CEP192: variants seen among roughly 807,000 people sequenced by gnomAD.
CEP192 encodes centrosomal protein 192, also known as centrosomal protein of 192 kDa.
A neutral mutation model predicts 271.8 loss-of-function variants in CEP192; 151 were observed. The observed-to-expected ratio is 0.56, with a 90% CI of 0.49 to 0.64. The LOEUF (loss-of-function observed/expected upper bound fraction) is 0.64, where lower values mean the gene tolerates loss of function less well. Ranked by LOEUF, CEP192 falls within the 30% of genes least tolerant of loss-of-function variation. CEP192 has a pLI of 0.00. For missense variants in CEP192, 2,910 were observed against 3,020.5 expected (o/e 0.96, Z 0.86); for synonymous variants, 995 against 1,076.5 (o/e 0.92, Z 1.48).
chr18:13,085,520 G>A (rs753611012), intron 30 of CEP192, among the ~76,000 whole-genome samples: 3 of 152,094 alleles, frequency 2.0e-5, no homozygotes, highest in Non-Finnish European at 4.4e-5. Flanking sequence ...GAGTTTTAAT[G>A]GTTTTATGTC....
chr18:13,038,922 A>G (rs1016570932), intron 13 of CEP192, among the ~76,000 whole-genome samples: 1 of 152,174 alleles, frequency 6.6e-6, no homozygotes, highest in African/African-American at 2.4e-5. Flanking sequence ...TGCTGTTGTT[A>G]TTGTTGGTTG....
intron 5 of CEP192, among the ~76,000 whole-genome samples, chr18:13,015,052 A>T (rs2034566024): frequency 6.6e-6 from 1 of 152,166 alleles, no homozygotes; most frequent in Non-Finnish European, 1.5e-5. Flanking sequence ...TTGTGTACTT[A>T]CTATATTACG....
chr18:13,100,608 C>T lies in CEP192; in HGVS notation c.6871+96C>T. The T allele has an allele frequency of 3.1e-6, 3 of 957,930 alleles. No individual in the cohort carries two copies. The South Asian group carries it at 4.8e-5, about 15-fold the overall frequency. 59.3% of individuals were successfully genotyped at this position (957,930 alleles called of 1,614,324 possible). On this transcript the variant is annotated intron_variant, in intron 38 of 44. Coordinates refer to ENST00000506447, the MANE Select transcript of CEP192 (RefSeq NM_032142.4). ...ATAAGTTGGTGATAAATATAAATTT[C>T]CTCCTACTTCAGGAGAAAAGTGGTC...
Position 13,092,472 on chromosome 18 carries a change from A to G in CEP192, c.6199A>G (p.Ile2067Val), listed in dbSNP as rs1208147828. 8.7e-6 allele frequency: 14 copies of G among 1,610,056 alleles called. No individual in the cohort carries two copies. Among genetic ancestry groups the G allele is most frequent in the Non-Finnish European group, 1.2e-5 (14 of 1,177,596 alleles). The change falls in exon 34 of 45, where the codon ATT (isoleucine) becomes GTT (valine). Residue 2067 changes from isoleucine to valine, a missense_variant. Ile to Val is a conservative substitution (Grantham distance 29). Coordinates refer to ENST00000506447, the MANE Select transcript of CEP192 (RefSeq NM_032142.4). The part of the protein sequence containing the change: ...LSVIGEFRDC[I>V]SSREFLQPSS... ...AGTAATTGGAGAATTCAGAGATTGC[A>G]TTTCTAGCAGAGAATTCCTTCAGCC... is the stretch of plus-strand genomic sequence containing the variant.
chr18:13,071,099 A>T lies in CEP192; in HGVS notation c.5235A>T (p.Glu1745Asp), dbSNP rs139324356. The change falls in exon 28 of 45, where the codon GAA (glutamate) becomes GAT (aspartate). Residue 1745 changes from glutamate to aspartate, a missense_variant. Coordinates refer to ENST00000506447, the MANE Select transcript of CEP192 (RefSeq NM_032142.4). ...AGTATGAGGTAGTGTTAAAAGGCGA[A>T]GTCATTTCTTCAGGAAGTAAACCTC... is the stretch of plus-strand genomic sequence containing the variant. ...GPQYEVVLKG[E>D]VISSGSKPLS... The T allele has an allele frequency of 6.2e-7, 1 of 1,614,002 alleles. No individual in the cohort carries two copies. Among genetic ancestry groups the T allele is most frequent in the African/African-American group, 1.3e-5 (1 of 75,056 alleles).
At chr18:13,043,666 G>C (rs1417049467) in intron 15 of CEP192, among the ~76,000 whole-genome samples, 4 of 152,116 alleles carry the variant, frequency 2.6e-5, no homozygotes, top group African/African-American at 9.7e-5. Context: ...CAACAACCCT[G>C]TTGGACTTTT....
At chr18:13,105,173 C>A (rs2039893030) in intron 40 of CEP192, 94 bp downstream of exon 40, 4 of 842,146 alleles carry the variant, frequency 4.7e-6, no homozygotes, top group Non-Finnish European at 6.1e-6. Flanking sequence ...TCACCTGGAG[C>A]AGTGCTACTC....
chr18:13,000,494 A>G (rs1327020311), intron 2 of CEP192: 1 of 152,236 alleles, frequency 6.6e-6, no homozygotes, highest in East Asian at 1.9e-4. Flanking sequence ...GAGGTATGAC[A>G]GAGCCTCACT....
At chr18:13,034,493 T>C (rs1371867843) in intron 11 of CEP192, among the ~76,000 whole-genome samples, 2 of 152,136 alleles carry the variant, frequency 1.3e-5, no homozygotes, top group Non-Finnish European at 2.9e-5. Context: ...TTATAAACTT[T>C]ATTCAGAACA....
At position 13,056,458 on chromosome 18, in the gene CEP192, T is replaced by C. The variant is rs2037107817; in HGVS notation, c.3868T>C (p.Phe1290Leu). The change falls in exon 19 of 45, where the codon TTC (phenylalanine) becomes CTC (leucine). Residue 1290 changes from phenylalanine (F) to leucine (L), a missense_variant. Coordinates refer to ENST00000506447, the MANE Select transcript of CEP192 (RefSeq NM_032142.4). The part of the protein sequence containing the change: ...CHAGNATVCG[F>L]SGGLPYPAVA... ...TGCTGGCAATGCCACAGTCTGTGGCTTCTCAGGAGGCCTTCCCTATCCAGC... is the reference window on the plus strand; with the variant it reads ...TGCTGGCAATGCCACAGTCTGTGGCCTCTCAGGAGGCCTTCCCTATCCAGC... 6.2e-7 allele frequency: 1 copy of C among 1,614,108 alleles called. No individual in the cohort carries two copies. Among genetic ancestry groups the C allele is most frequent in the African/African-American group, 1.3e-5 (1 of 74,954 alleles).
At position 13,056,009 on chromosome 18, in the gene CEP192, C is replaced by G; in HGVS notation, c.3419C>G (p.Pro1140Arg). 1.2e-6 allele frequency: 2 copies of G among 1,614,136 alleles called. No homozygotes were observed. Among genetic ancestry groups the G allele is most frequent in the South Asian group, 2.2e-5 (2 of 91,078 alleles). ...VKPDFRWSKD[P>R]SSKSGNLLET... ...CCTGACTTTAGATGGAGTAAAGATC[C>G]TTCCTCCAAAAGTGGAAATCTGTTG... is the stretch of plus-strand genomic sequence containing the variant. The change falls in exon 19 of 45, where the codon CCT (proline) becomes CGT (arginine). Residue 1140 changes from proline to arginine, a missense_variant. Coordinates refer to ENST00000506447, the MANE Select transcript of CEP192 (RefSeq NM_032142.4).
chr18:13,012,937 C>G, intron 4 of CEP192, 36 bp from the exon 5 acceptor site: 1 of 1,216,632 alleles, frequency 8.2e-7, no homozygotes, highest in Non-Finnish European at 1.2e-6. Context: ...GATAAAATAA[C>G]CTGGTCTCTC....
In CEP192 at chr18:13,113,582, G is replaced by A. The variant is rs371084109; in HGVS notation, c.7048-4G>A. On this transcript the variant is annotated splice_polypyrimidine_tract_variant and splice_region_variant and intron_variant, in intron 40 of 44. Transcript: ENST00000506447. ...TAAATTTCTCTTCTGTATGTATTTC[G>A]TAGGTCTCCATCACATTTTTGCCCA... is the stretch of plus-strand genomic sequence containing the variant. 8.0e-5 allele frequency: 129 copies of A among 1,612,460 alleles called. No homozygotes were observed. Among genetic ancestry groups the A allele is most frequent in the African/African-American group, 2.9e-4 (22 of 74,804 alleles).
In CEP192 at chr18:13,065,382, A is replaced by T. The variant is rs1333345468; in HGVS notation, c.4489-2449A>T. Among the ~76,000 whole-genome samples the T allele has an allele frequency of 2.0e-5, 3 of 152,184 alleles. No homozygotes were observed. In the East Asian group the frequency reaches 5.8e-4, roughly 29 times the overall value. On this transcript the variant is annotated intron_variant, in intron 21 of 44. Coordinates refer to ENST00000506447, the MANE Select transcript of CEP192 (RefSeq NM_032142.4). Reference sequence around the variant, plus strand: ...CATTATAGGTAATTTGTTTAGTTTAATGTTTACAGTTCTTAGGGAGAAAAT... The same window carrying T: ...CATTATAGGTAATTTGTTTAGTTTATTGTTTACAGTTCTTAGGGAGAAAAT...
At chr18:13,065,351 C>A (rs898088759) in intron 21 of CEP192, among the ~76,000 whole-genome samples, 1 of 152,084 alleles carries the variant, frequency 6.6e-6, no homozygotes, top group Non-Finnish European at 1.5e-5. Flanking sequence ...GGTCATTAAT[C>A]GCTTCCATTA....
At chr18:13,012,114 C>T (rs574233394) in intron 4 of CEP192, among the ~76,000 whole-genome samples, 11 of 152,170 alleles carry the variant, frequency 7.2e-5, no homozygotes, top group South Asian at 2.1e-4. Context: ...TGGCAAATAA[C>T]GGAAAGTAAA....
At chr18:12,992,830 T>A (rs527680183) in intron 1 of CEP192, among the ~76,000 whole-genome samples, 1 of 152,322 alleles carries the variant, frequency 6.6e-6, no homozygotes, top group East Asian at 1.9e-4. Context: ...TATTTATCTT[T>A]GCATTCTTGG....
chr18:13,068,469 T>A (rs1307789978), intron 24 of CEP192, 47 bp downstream of exon 24: 10 of 1,350,556 alleles, frequency 7.4e-6, no homozygotes, highest in Non-Finnish European at 9.4e-6. Context: ...TGTAGCTAGA[T>A]AAACTACAAA....
At chr18:13,117,430 G>A (rs1227490112) in intron 43 of CEP192, among the ~76,000 whole-genome samples, 155 bp from the exon 44 acceptor site, 1 of 152,022 alleles carries the variant, frequency 6.6e-6, no homozygotes, top group African/African-American at 2.4e-5. Context: ...TCTTAAATAT[G>A]TTTTCATTAC....
Sources: allele counts gnomAD v4.1 joint callset (sites outside exome capture counted in the v4.1 genomes callset), GRCh38; gene constraint gnomAD v4.1.1; transcripts MANE v1.5; gene names NCBI Gene and HGNC (gene_info 2026-07-23, HGNC 2026-07-21).